Variants in FBXW7 observed in about 807,000 individuals in gnomAD.
FBXW7 encodes the protein F-box and WD repeat domain containing 7, also known as F-box/WD repeat-containing protein 7.
A neutral mutation model predicts 86.3 loss-of-function variants in FBXW7; 11 were observed. The ratio of observed to expected loss-of-function variants is 0.13; its 90% CI spans 0.08 to 0.21. The LOEUF (loss-of-function observed/expected upper bound fraction) is 0.21, where lower values mean the gene tolerates loss of function less well. Among genes scored for constraint, FBXW7 ranks in the 10% least tolerant of loss-of-function variants. FBXW7 has a pLI of 1.00. For synonymous variants in FBXW7, 313 were observed against 297.9 expected (o/e 1.05, Z -0.52); for missense variants, 488 against 847.4 (o/e 0.58, Z 5.27).
intron 10 of FBXW7, chr4:152,328,931 A>T (rs1443871699): frequency 6.6e-6 from 1 of 152,042 alleles, no homozygotes; most frequent in Non-Finnish European, 1.5e-5. Flanking sequence ...GCTTTAAAAA[A>T]TTTTAACATC....
At chr4:152,443,558 G>A (rs1026305150) in intron 2 of FBXW7, among the ~76,000 whole-genome samples, 2 of 152,070 alleles carry the variant, frequency 1.3e-5, no homozygotes, top group Non-Finnish European at 2.9e-5. Context: ...CTACCCAACT[G>A]ACTCCTGCAT....
At chr4:152,524,800 TA>T (rs1337658197) in intron 2 of FBXW7, among the ~76,000 whole-genome samples, 1 of 152,160 alleles carries the variant, frequency 6.6e-6, no homozygotes, top group East Asian at 1.9e-4. Context: ...TCTGGTAATA[TA>T]AAAGTTTAGT....
chr4:152,417,879 T>A (rs1462872191), intron 2 of FBXW7, among the ~76,000 whole-genome samples: 1 of 151,938 alleles, frequency 6.6e-6, no homozygotes, highest in African/African-American at 2.4e-5. Context: ...AGGGCAGAAG[T>A]ACTAGAATGG....
chr4:152,487,076 A>G (rs1359062946), intron 2 of FBXW7, among the ~76,000 whole-genome samples: 1 of 152,208 alleles, frequency 6.6e-6, no homozygotes, highest in African/African-American at 2.4e-5. Flanking sequence ...TAGTGAAAGG[A>G]CAGAAACTCC....
chr4:152,521,722 G>A (rs553123409), intron 2 of FBXW7, among the ~76,000 whole-genome samples: 144 of 151,348 alleles, frequency 9.5e-4, no homozygotes, highest in African/African-American at 3.3e-3. Context: ...CAGCAAAGAA[G>A]AGTCAATTCA....
chr4:152,494,091 G>A (rs17028930), intron 2 of FBXW7, among the ~76,000 whole-genome samples: 1,902 of 152,156 alleles, frequency 0.013, 40 homozygotes, highest in African/African-American at 0.041. Flanking sequence ...GGAATTAAGC[G>A]TGTTTAAATA....
chr4:152,519,690 T>A (rs144641320), intron 2 of FBXW7, among the ~76,000 whole-genome samples: 1 of 152,234 alleles, frequency 6.6e-6, no homozygotes, highest in Admixed American at 6.5e-5. Context: ...TATAATGACA[T>A]AAAACTGGGA....
At chr4:152,440,066 C>G (rs567419227) in intron 2 of FBXW7, among the ~76,000 whole-genome samples, 1 of 152,158 alleles carries the variant, frequency 6.6e-6, no homozygotes, top group African/African-American at 2.4e-5. Context: ...ATAAAAAGGA[C>G]TGGAGTGAGA....
At chr4:152,332,742 A>AAT (rs1422696657) in intron 7 of FBXW7, 23 bp from the exon 8 acceptor site, 1 of 1,287,180 alleles carries the variant, frequency 7.8e-7, no homozygotes, top group Non-Finnish European at 1.0e-6. Flanking sequence ...TGCATAGTAT[A>AAT]ATACCCATAT....
chr4:152,435,257 T>C (rs1263528760), intron 2 of FBXW7, among the ~76,000 whole-genome samples: 2 of 152,222 alleles, frequency 1.3e-5, no homozygotes, highest in Admixed American at 1.3e-4. Flanking sequence ...CATTTGAGTT[T>C]TGTATCTGAA....
intron 2 of FBXW7, among the ~76,000 whole-genome samples, chr4:152,526,959 C>A (rs897196153): frequency 6.6e-6 from 1 of 152,138 alleles, no homozygotes; most frequent in Non-Finnish European, 1.5e-5. Context: ...TATTATTTGT[C>A]AAACTCAAGT....
At chr4:152,422,644 T>C (rs1739045487) in intron 2 of FBXW7, among the ~76,000 whole-genome samples, 1 of 152,120 alleles carries the variant, frequency 6.6e-6, no homozygotes, top group African/African-American at 2.4e-5. Context: ...TACAGAAAAC[T>C]ATACAAAAAC....
At chr4:152,353,879 C>T (rs751009892) in intron 4 of FBXW7, among the ~76,000 whole-genome samples, 5 of 152,080 alleles carry the variant, frequency 3.3e-5, no homozygotes, top group Non-Finnish European at 7.4e-5. Context: ...TTTACTCCTA[C>T]CCTCCCCATT....
At chr4:152,529,243 A>G (rs976296293) in intron 2 of FBXW7, among the ~76,000 whole-genome samples, 1 of 152,210 alleles carries the variant, frequency 6.6e-6, no homozygotes, top group Non-Finnish European at 1.5e-5. Flanking sequence ...ACAAAAATTA[A>G]AAGATTTTTT....
intron 2 of FBXW7, among the ~76,000 whole-genome samples, chr4:152,462,301 A>T (rs1325338245): frequency 6.6e-6 from 1 of 152,224 alleles, no homozygotes; most frequent in African/African-American, 2.4e-5. Flanking sequence ...TGGCCACGCA[A>T]ATTGCATGCA....
intron 2 of FBXW7, among the ~76,000 whole-genome samples, chr4:152,502,156 G>C (rs1046416884): frequency 2.0e-5 from 3 of 152,130 alleles, no homozygotes; most frequent in Admixed American, 2.0e-4. Flanking sequence ...AGCCACATGT[G>C]ACTACTAAGC....
intron 4 of FBXW7, among the ~76,000 whole-genome samples, chr4:152,374,990 G>A (rs571950445): frequency 6.6e-6 from 1 of 152,176 alleles, no homozygotes; most frequent in East Asian, 1.9e-4. Flanking sequence ...AAGTGATGTT[G>A]AGTTTCGTGA....
intron 2 of FBXW7, among the ~76,000 whole-genome samples, chr4:152,448,129 C>T (rs1415160932): frequency 6.6e-6 from 1 of 152,228 alleles, no homozygotes; most frequent in African/African-American, 2.4e-5. Flanking sequence ...AGTGCTGCTG[C>T]TTTAAGTGGC....
intron 4 of FBXW7, among the ~76,000 whole-genome samples, chr4:152,358,677 T>G (rs1348603917): frequency 6.6e-6 from 1 of 152,090 alleles, no homozygotes; most frequent in Non-Finnish European, 1.5e-5. Flanking sequence ...ATTACCAGAG[T>G]GTAATGTTAG....
Sources: allele counts gnomAD v4.1 joint callset (sites outside exome capture counted in the v4.1 genomes callset), GRCh38; gene constraint gnomAD v4.1.1; transcripts MANE v1.5; gene names NCBI Gene and HGNC (gene_info 2026-07-23, HGNC 2026-07-21).